CFTR: variants seen among roughly 807,000 people sequenced by gnomAD.
CFTR encodes CF transmembrane conductance regulator.
A neutral mutation model predicts 171.6 loss-of-function variants in CFTR; 181 were observed. The observed-to-expected ratio is 1.05, with a 90% CI of 0.93 to 1.19. The LOEUF (loss-of-function observed/expected upper bound fraction) is 1.19. CFTR is among the 50% of genes most tolerant of loss of function. CFTR has a pLI of 0.00. For synonymous variants in CFTR, 583 were observed against 608.0 expected, an observed-to-expected ratio of 0.96 and a Z score of 0.60; for missense variants, 1,968 against 1,734.7, an observed-to-expected ratio of 1.13 and a Z score of -2.39.
At chr7:117,629,185 A>T (rs1323209344) in intron 22 of CFTR, among the ~76,000 whole-genome samples, 1 of 152,200 alleles carries the variant, frequency 6.6e-6, no homozygotes, top group African/African-American at 2.4e-5. Context: ...GTATATACAA[A>T]ATAGGCCATG....
chr7:117,481,019 T>C (rs528203405), intron 1 of CFTR, among the ~76,000 whole-genome samples: 3 of 152,340 alleles, frequency 2.0e-5, no homozygotes, highest in Non-Finnish European at 4.4e-5. Flanking sequence ...GGGACATTAC[T>C]TGACACATAA....
intron 21 of CFTR, chr7:117,616,121 A>G (rs918485386): frequency 1.3e-5 from 2 of 152,108 alleles, no homozygotes; most frequent in African/African-American, 4.8e-5. Context: ...AACCCTTTTA[A>G]TGCTCTCTTC....
At chr7:117,541,591 A>G (rs1428283454) in intron 8 of CFTR, among the ~76,000 whole-genome samples, 1 of 152,132 alleles carries the variant, frequency 6.6e-6, no homozygotes, top group Non-Finnish European at 1.5e-5. Flanking sequence ...TCCTTAACCC[A>G]CAGAAGTGAT....
intron 2 of CFTR, among the ~76,000 whole-genome samples, chr7:117,506,332 C>T (rs1360877619): frequency 6.6e-6 from 1 of 152,056 alleles, no homozygotes; most frequent in Admixed American, 6.6e-5. Context: ...CTGCAAACTT[C>T]GTCTCCTGGG....
chr7:117,504,258 C>T lies in CFTR; in HGVS notation c.59C>T (p.Thr20Ile). The change falls in exon 2 of 27, where the codon ACC becomes ATC. Residue 20 changes from threonine (T) to isoleucine (I), a missense_variant. Transcript: ENST00000003084. Reference protein sequence around the residue: ...SVVSKLFFSWTRPILRKGYRQ... With the variant: ...SVVSKLFFSWIRPILRKGYRQ... The stretch of plus-strand genomic sequence containing the variant: ...TCCTCCTCTCTTTATTTTAGCTGGA[C>T]CAGACCAATTTTGAGGAAAGGATAC... 6.3e-7 allele frequency: 1 copy of T among 1,598,070 alleles called. No individual in the cohort carries two copies. The highest frequency in any genetic ancestry group is 2.2e-5 in the East Asian group (1 of 44,740).
At chr7:117,617,280 CTT>C (rs753988390) in intron 21 of CFTR, among the ~76,000 whole-genome samples, 30 of 141,096 alleles carry the variant, frequency 2.1e-4, no homozygotes, top group South Asian at 2.3e-4. Context: ...GACAGTGTGG[CTT>C]TTTTTTTTTT....
intron 1 of CFTR, among the ~76,000 whole-genome samples, chr7:117,494,133 A>G (rs1562879894): frequency 1.3e-5 from 2 of 152,100 alleles, no homozygotes; most frequent in East Asian, 1.9e-4. Context: ...TTATCCTTGG[A>G]GTATTAATTC....
rs190187198 is a variant in CFTR, at chr7:117,662,693, A to G, written c.3964-1995A>G. Among the ~76,000 whole-genome samples, 9 of 152,326 alleles carry G rather than the reference A, an allele frequency of 5.9e-5. No individual in the cohort carries two copies. The East Asian group carries it at 1.4e-3, about 23-fold the overall frequency. On this transcript the variant is annotated intron_variant, in intron 24 of 26. Coordinates refer to ENST00000003084, the MANE Select transcript of CFTR (RefSeq NM_000492.4). ...GGGGTGTTTGTATGGTGGACTTGCA[A>G]TTTGACTAATTGAGATTTGTAGGAT...
intron 7 of CFTR, 56 bp from the exon 8 acceptor site, chr7:117,540,044 C>T (rs1447787673): frequency 2.1e-6 from 3 of 1,458,460 alleles, no homozygotes; most frequent in Non-Finnish European, 2.8e-6. Context: ...TCCAAGATCC[C>T]TGATATTTGA....
intron 1 of CFTR, 141 bp downstream of exon 1, chr7:117,480,288 G>T (rs1428726270): frequency 7.4e-5 from 58 of 781,872 alleles, no homozygotes; most frequent in Non-Finnish European, 1.2e-4. Flanking sequence ...AGAAAATGTG[G>T]GTATTGTAGA....
chr7:117,653,083 A>G (rs1793112772), intron 24 of CFTR, 152 bp downstream of exon 24: 3 of 672,162 alleles, frequency 4.5e-6, no homozygotes, highest in South Asian at 3.4e-5. Flanking sequence ...AGCAACAGGT[A>G]CTTTTGACTG....
rs573685835 is a variant in CFTR, at chr7:117,582,541, A to G, written c.1585-5198A>G. On this transcript the variant is annotated intron_variant, in intron 11 of 26. Coordinates refer to ENST00000003084, the MANE Select transcript of CFTR (RefSeq NM_000492.4). ...CACCCTGAGGAATCCCATTCCCTCT[A>G]ATCTGGGACAAGGGGGAGGAGAGTA... is the stretch of plus-strand genomic sequence containing the variant. 4.6e-5 allele frequency among the ~76,000 whole-genome samples: 7 copies of G among 152,248 alleles called. No individual in the cohort carries two copies. In the East Asian group the frequency reaches 1.4e-3, roughly 29 times the overall value.
chr7:117,592,386 C>G lies in CFTR; in HGVS notation c.2219C>G (p.Pro740Arg). ...EPLERRLSLV[P>R]DSEQGEAILP... Reference sequence around the variant, plus strand: ...TTAGAGAGAAGGCTGTCCTTAGTACCAGATTCTGAGCAGGGAGAGGCGATA... The same window carrying G: ...TTAGAGAGAAGGCTGTCCTTAGTACGAGATTCTGAGCAGGGAGAGGCGATA... The change falls in exon 14 of 27, where the codon CCA becomes CGA. Residue 740 changes from proline (P) to arginine (R), a missense_variant. Coordinates refer to ENST00000003084, the MANE Select transcript of CFTR (RefSeq NM_000492.4). 6.2e-7 allele frequency: 1 copy of G among 1,614,044 alleles called. No individual in the cohort carries two copies.
intron 23 of CFTR, among the ~76,000 whole-genome samples, chr7:117,648,433 G>T (rs1429251470): frequency 6.6e-6 from 1 of 152,058 alleles, no homozygotes; most frequent in Non-Finnish European, 1.5e-5. Flanking sequence ...GTAGCAAAAA[G>T]GTTTGTCACC....
chr7:117,534,205 A>G (rs1798908913), intron 4 of CFTR, 71 bp from the exon 5 acceptor site: 1 of 737,322 alleles, frequency 1.4e-6, no homozygotes, highest in Non-Finnish European at 2.4e-6. Context: ...AATTAGTCAT[A>G]TTATAATTTT....
intron 15 of CFTR, 38 bp from the exon 16 acceptor site, chr7:117,602,788 G>T: frequency 6.3e-7 from 1 of 1,597,400 alleles, no homozygotes; most frequent in East Asian, 2.2e-5. Context: ...AGGTGAAGAT[G>T]TTAGAAAAAA....
chr7:117,562,904 G>A (rs771092558), intron 11 of CFTR, among the ~76,000 whole-genome samples: 3 of 152,158 alleles, frequency 2.0e-5, no homozygotes, highest in Non-Finnish European at 2.9e-5. Context: ...CTTGGTTGGT[G>A]CAGGGTATCA....
intron 10 of CFTR, among the ~76,000 whole-genome samples, chr7:117,551,204 A>C (rs1040486234): frequency 3.0e-4 from 45 of 152,288 alleles, no homozygotes; most frequent in African/African-American, 1.0e-3. Context: ...TGATTAGATA[A>C]ATTTTGGTGT....
At chr7:117,637,579 G>A (rs1431078650) in intron 22 of CFTR, among the ~76,000 whole-genome samples, 1 of 152,080 alleles carries the variant, frequency 6.6e-6, no homozygotes, top group South Asian at 2.1e-4. Flanking sequence ...ATTGTTATAA[G>A]AATAGAATGC....
Sources: gnomAD v4.1 joint callset for allele counts (sites outside exome capture counted in the v4.1 genomes callset) on GRCh38, gnomAD v4.1.1 for gene constraint, MANE v1.5 for transcripts, NCBI Gene and HGNC (gene_info 2026-07-23, HGNC 2026-07-21) for gene names.